ATP10A: variants seen among roughly 807,000 people sequenced by gnomAD.
ATP10A encodes the protein ATPase phospholipid transporting 10A (putative), also known as phospholipid-transporting ATPase VA.
ATP10A carries 111 observed loss-of-function variants against 147.8 expected under a neutral mutation model. The observed-to-expected ratio is 0.75, with a 90% confidence interval of 0.64 to 0.88. The LOEUF is 0.88. ATP10A is among the 40% of genes least tolerant of loss of function. ATP10A has a pLI of 0.00. For missense variants in ATP10A, 1,927 were observed against 1,959.0 expected, an observed-to-expected ratio of 0.98 and a Z score of 0.31; for synonymous variants, 875 against 841.6, an observed-to-expected ratio of 1.04 and a Z score of -0.69.
chr15:25,776,223 C>G (rs1567375266), intron 2 of ATP10A, among the ~76,000 whole-genome samples: 2 of 152,158 alleles, frequency 1.3e-5, no homozygotes, highest in South Asian at 2.1e-4. Context: ...CACAGAACAT[C>G]TGAACGTATG....
intron 2 of ATP10A, among the ~76,000 whole-genome samples, chr15:25,748,448 T>G (rs1478386303): frequency 2.0e-5 from 3 of 152,168 alleles, no homozygotes; most frequent in Admixed American, 6.5e-5. Context: ...GATTCAACAT[T>G]TATTCATAAT....
At chr15:25,769,263 G>C (rs997615320) in intron 2 of ATP10A, among the ~76,000 whole-genome samples, 5 of 151,962 alleles carry the variant, frequency 3.3e-5, no homozygotes, top group Admixed American at 2.6e-4. Context: ...GAGGCGGATG[G>C]ATCATGAGGT....
At chr15:25,831,233 G>A (rs1306063717) in intron 1 of ATP10A, among the ~76,000 whole-genome samples, 3 of 152,098 alleles carry the variant, frequency 2.0e-5, no homozygotes, top group African/African-American at 7.3e-5. Flanking sequence ...GGGCCTCGGG[G>A]GCTCCACCCC....
At chr15:25,766,673 C>T (rs747822276) in intron 2 of ATP10A, among the ~76,000 whole-genome samples, 10 of 151,962 alleles carry the variant, frequency 6.6e-5, no homozygotes, top group African/African-American at 1.5e-4. Flanking sequence ...AGGAACCACA[C>T]GCTCAAACAC....
At chr15:25,740,935 G>C (rs1333055033) in intron 2 of ATP10A, among the ~76,000 whole-genome samples, 5 of 152,214 alleles carry the variant, frequency 3.3e-5, no homozygotes, top group African/African-American at 1.2e-4. Context: ...AGGGAACCCT[G>C]AGGAAGCCCA....
At chr15:25,726,826 C>A (rs1457213789) in intron 4 of ATP10A, among the ~76,000 whole-genome samples, 2 of 150,206 alleles carry the variant, frequency 1.3e-5, no homozygotes, top group African/African-American at 4.9e-5. Context: ...CCAAGGCGGG[C>A]GGATCACGAG....
At chr15:25,704,297 T>G (rs758172338) in intron 12 of ATP10A, among the ~76,000 whole-genome samples, 1 of 152,170 alleles carries the variant, frequency 6.6e-6, no homozygotes, top group Non-Finnish European at 1.5e-5. Context: ...CTTGATGGAT[T>G]ACTGACAATT....
rs540945196 is a variant in ATP10A at position 25,725,410 on chromosome 15, G to C, written c.979+541C>G. ...CATGTCAGGGACTTGAGCATCTGAAGATTTTGTTATAGAGGGGGAGTCCTG... is the reference window on the plus strand; with the variant it reads ...CATGTCAGGGACTTGAGCATCTGAACATTTTGTTATAGAGGGGGAGTCCTG... On this transcript the variant is annotated intron_variant, in intron 5 of 20. Coordinates refer to ENST00000555815, the MANE Select transcript of ATP10A (RefSeq NM_024490.4). Among the ~76,000 whole-genome samples the C allele has an allele frequency of 7.9e-5, 12 of 152,270 alleles. No individual in the cohort carries two copies. The East Asian group carries it at 2.1e-3, about 27-fold the overall frequency.
chr15:25,717,182 A>G (rs921139041), intron 8 of ATP10A, among the ~76,000 whole-genome samples: 2 of 152,216 alleles, frequency 1.3e-5, no homozygotes, highest in African/African-American at 2.4e-5. Context: ...AATTTCACAT[A>G]ATCAAAATAT....
At position 25,726,063 on chromosome 15, in the gene ATP10A, C is replaced by T; in HGVS notation, c.867G>A (p.Leu289=). ...VIYAGHETKA[L]LNNSGPRYKR... Reference sequence around the variant, plus strand: ...TGTAGCGGGGCCCACTGTTGTTCAGCAGAGCCTTGGTTTCATGTCCTGTCG... The same window carrying T: ...TGTAGCGGGGCCCACTGTTGTTCAGTAGAGCCTTGGTTTCATGTCCTGTCG... Residue 289 remains leucine (L), a synonymous_variant, in exon 5 of 21, where the codon CTG becomes CTA. Transcript: ENST00000555815. 6.2e-7 allele frequency: 1 copy of T among 1,613,970 alleles called. No homozygotes were observed. Among genetic ancestry groups the T allele is most frequent in the South Asian group, 1.1e-5 (1 of 91,058 alleles).
At chr15:25,687,273 T>TG (rs1237352545) in intron 16 of ATP10A, among the ~76,000 whole-genome samples, 6 of 152,064 alleles carry the variant, frequency 3.9e-5, no homozygotes, top group African/African-American at 9.7e-5. Flanking sequence ...GACTCCTGTT[T>TG]GGGGATATTT....
chr15:25,850,645 C>T (rs552585376), intron 1 of ATP10A, among the ~76,000 whole-genome samples: 1 of 150,498 alleles, frequency 6.6e-6, no homozygotes, highest in South Asian at 2.1e-4. Context: ...CCCTCCCTCC[C>T]CCCCCAGCCC....
chr15:25,716,729 C>T lies in ATP10A; in HGVS notation c.1776+1G>A. On this transcript the variant is annotated splice_donor_variant, in intron 9 of 20. Transcript: ENST00000555815. LOFTEE classifies it high-confidence loss of function. ...AAGCTCAGGGACCCTCCAGAACTTGCCTTTGTTCGTGGCTGATCCGGGGAC... is the reference window on the plus strand; with the variant it reads ...AAGCTCAGGGACCCTCCAGAACTTGTCTTTGTTCGTGGCTGATCCGGGGAC... The T allele has an allele frequency of 1.3e-6, 2 of 1,574,152 alleles. No individual in the cohort carries two copies. The highest frequency in any genetic ancestry group is 3.4e-4 in the Middle Eastern group (2 of 5,896).
chr15:25,777,914 T>A (rs1473209959), intron 2 of ATP10A, among the ~76,000 whole-genome samples: 1 of 151,926 alleles, frequency 6.6e-6, no homozygotes. Context: ...TCCTGGCTCC[T>A]ATATTCTTCA....
intron 2 of ATP10A, among the ~76,000 whole-genome samples, chr15:25,742,937 G>A (rs2140516766): frequency 6.6e-6 from 1 of 152,344 alleles, no homozygotes; most frequent in Admixed American, 6.5e-5. Flanking sequence ...GCCACTTAGT[G>A]CCTCTTCCAT....
chr15:25,693,324 G>C (rs1408494403), intron 14 of ATP10A, among the ~76,000 whole-genome samples: 1 of 152,150 alleles, frequency 6.6e-6, no homozygotes, highest in African/African-American at 2.4e-5. Context: ...GCCCAGCCAT[G>C]TGCTGATGTT....
intron 2 of ATP10A, among the ~76,000 whole-genome samples, chr15:25,771,187 A>C (rs12442444): frequency 0.33 from 50,096 of 151,798 alleles, 9,012 homozygotes; most frequent in East Asian, 0.56. Flanking sequence ...TTCCCCACTG[A>C]GGTTAACAGG....
rs72701775 is a variant in ATP10A at position 25,681,178 on chromosome 15, T to C, written c.3493-104A>G. The C allele has an allele frequency of 2.0e-5, 23 of 1,129,466 alleles. 1 individual carries two copies. Among genetic ancestry groups the C allele is most frequent in the Admixed American group, 1.7e-4 (7 of 41,504 alleles). 70.0% of individuals were successfully genotyped at this position (1,129,466 alleles called of 1,614,324 possible). On this transcript the variant is annotated intron_variant, in intron 17 of 20. Coordinates refer to ENST00000555815, the MANE Select transcript of ATP10A (RefSeq NM_024490.4). The stretch of plus-strand genomic sequence containing the variant: ...TCACTTGTGTTAAAAACAACAACAA[T>C]AACAACAAAAACCCACCCTGAGGAG...
chr15:25,859,527 G>A (rs1054736261), intron 1 of ATP10A, among the ~76,000 whole-genome samples: 2 of 152,148 alleles, frequency 1.3e-5, no homozygotes, highest in African/African-American at 2.4e-5. Context: ...GCTTAGTGAC[G>A]CTGGGTGGGT....
Sources: allele counts gnomAD v4.1 joint callset (sites outside exome capture counted in the v4.1 genomes callset), GRCh38; gene constraint gnomAD v4.1.1; transcripts MANE v1.5; gene names NCBI Gene and HGNC (gene_info 2026-07-23, HGNC 2026-07-21).